Variants in PKIA observed in about 807,000 individuals in gnomAD.
PKIA encodes cAMP-dependent protein kinase inhibitor alpha, also known as PKI-alpha.
A neutral mutation model predicts 7.6 loss-of-function variants in PKIA; 4 were observed. The observed-to-expected ratio is 0.52, with a 90% CI of 0.26 to 1.20. The LOEUF (loss-of-function observed/expected upper bound fraction) is 1.20, where lower values mean the gene tolerates loss of function less well. Among genes scored for constraint, PKIA ranks in the 50% most tolerant of loss-of-function variants. The probability of loss-of-function intolerance (pLI) is 0.13; values close to 1 mark genes in which losing one functional copy is unlikely to be tolerated. For missense variants in PKIA, 73 were observed against 86.2 expected, an observed-to-expected ratio of 0.85 and a Z score of 0.61; for synonymous variants, 21 against 30.7, an observed-to-expected ratio of 0.68 and a Z score of 1.04.
intron 1 of PKIA, among the ~76,000 whole-genome samples, chr8:78,519,766 C>A (rs143918261): frequency 6.6e-6 from 1 of 152,180 alleles, no homozygotes; most frequent in African/African-American, 2.4e-5. Context: ...CTTAAAGTAC[C>A]CCATGCCCAA....
chr8:78,537,546 G>A (rs945961693), intron 1 of PKIA, among the ~76,000 whole-genome samples: 2 of 151,888 alleles, frequency 1.3e-5, no homozygotes, highest in East Asian at 1.9e-4. Flanking sequence ...TGCGATAACC[G>A]ATATATTTTT....
intron 2 of PKIA, among the ~76,000 whole-genome samples, chr8:78,594,749 A>C (rs985027295): frequency 6.6e-6 from 1 of 152,218 alleles, no homozygotes; most frequent in Non-Finnish European, 1.5e-5. Flanking sequence ...AGGTGGAAGG[A>C]AATAAAATCA....
chr8:78,541,982 C>T (rs969405910), intron 1 of PKIA, among the ~76,000 whole-genome samples: 2 of 151,898 alleles, frequency 1.3e-5, no homozygotes, highest in Non-Finnish European at 2.9e-5. Context: ...CCAGCCTGGA[C>T]ACCATAGTAA....
At chr8:78,571,612 A>G (rs1418477075) in intron 1 of PKIA, among the ~76,000 whole-genome samples, 2 of 152,114 alleles carry the variant, frequency 1.3e-5, no homozygotes, top group Non-Finnish European at 2.9e-5. Context: ...GGGACTTGTA[A>G]CAGTTCCCCC....
chr8:78,580,779 T>A (rs1278292509), intron 2 of PKIA, among the ~76,000 whole-genome samples: 1 of 152,024 alleles, frequency 6.6e-6, no homozygotes, highest in Non-Finnish European at 1.5e-5. Flanking sequence ...TTTGTCACTG[T>A]CTGAGGAGGA....
intron 1 of PKIA, chr8:78,533,851 A>AAAAC (rs1412927267): frequency 6.6e-6 from 1 of 152,182 alleles, no homozygotes; most frequent in Non-Finnish European, 1.5e-5. Context: ...AATACAAAGC[A>AAAAC]AAACAAACAA....
intron 1 of PKIA, among the ~76,000 whole-genome samples, chr8:78,542,854 C>A (rs1378059912): frequency 6.6e-6 from 1 of 152,134 alleles, no homozygotes; most frequent in Non-Finnish European, 1.5e-5. Context: ...TTATCTCCTT[C>A]CTGTCTCGTA....
chr8:78,529,420 A>G (rs897796326), intron 1 of PKIA, among the ~76,000 whole-genome samples: 2 of 152,070 alleles, frequency 1.3e-5, no homozygotes, highest in Non-Finnish European at 2.9e-5. Flanking sequence ...CTATATTCCT[A>G]TAATGCTTTT....
intron 1 of PKIA, among the ~76,000 whole-genome samples, chr8:78,548,285 C>T (rs937131242): frequency 1.3e-5 from 2 of 151,932 alleles, no homozygotes; most frequent in Admixed American, 6.6e-5. Context: ...TATACATTGC[C>T]TTATTATGCA....
intron 2 of PKIA, among the ~76,000 whole-genome samples, chr8:78,584,863 C>T (rs1035868972): frequency 3.3e-5 from 5 of 152,114 alleles, no homozygotes; most frequent in Admixed American, 6.5e-5. Context: ...ACAGAGACCT[C>T]TTCCTCAGAT....
chr8:78,566,218 G>A (rs1205657912), intron 1 of PKIA, among the ~76,000 whole-genome samples: 1 of 151,846 alleles, frequency 6.6e-6, no homozygotes. Flanking sequence ...TACATATTTG[G>A]TACCAACAAA....
At chr8:78,549,743 A>T (rs916124689) in intron 1 of PKIA, among the ~76,000 whole-genome samples, 14 of 147,264 alleles carry the variant, frequency 9.5e-5, no homozygotes, top group African/African-American at 3.6e-4. Flanking sequence ...AAAAAAAAAA[A>T]GTAAGAATAA....
intron 1 of PKIA, among the ~76,000 whole-genome samples, chr8:78,536,664 G>A (rs1450749302): frequency 6.6e-6 from 1 of 151,990 alleles, no homozygotes; most frequent in Admixed American, 6.6e-5. Flanking sequence ...TCCTCAAAAA[G>A]CTGTGTATCT....
At chr8:78,550,511 A>T (rs1806955877) in intron 1 of PKIA, among the ~76,000 whole-genome samples, 1 of 152,092 alleles carries the variant, frequency 6.6e-6, no homozygotes, top group Admixed American at 6.6e-5. Flanking sequence ...CATCAAGCTA[A>T]GTGGGAACTT....
chr8:78,542,744 A>G (rs951886372), intron 1 of PKIA, among the ~76,000 whole-genome samples: 5 of 152,144 alleles, frequency 3.3e-5, no homozygotes, highest in African/African-American at 1.2e-4. Context: ...GTGTGTACCA[A>G]ATACCAAGAT....
chr8:78,557,330 AATT>A, intron 1 of PKIA, among the ~76,000 whole-genome samples: 1 of 152,174 alleles, frequency 6.6e-6, no homozygotes, highest in South Asian at 2.1e-4. Context: ...ACACACACTC[AATT>A]TGTGCCCATG....
intron 1 of PKIA, chr8:78,535,771 T>C (rs1187977605): frequency 1.3e-5 from 2 of 152,152 alleles, no homozygotes; most frequent in African/African-American, 4.8e-5. Flanking sequence ...ACAAATAAAA[T>C]AATAGAGTAT....
At chr8:78,558,610 G>A (rs1359248188) in intron 1 of PKIA, 1 of 61,736 alleles carries the variant, frequency 1.6e-5, no homozygotes, top group South Asian at 6.6e-4. Flanking sequence ...CCCCCCGCCC[G>A]ACCACGATTC....
chr8:78,526,011 C>T (rs550555556), intron 1 of PKIA, among the ~76,000 whole-genome samples: 1 of 152,148 alleles, frequency 6.6e-6, no homozygotes, highest in South Asian at 2.1e-4. Context: ...AAGGAGAACT[C>T]AGTGAAGTGT....
Sources: allele counts gnomAD v4.1 joint callset (sites outside exome capture counted in the v4.1 genomes callset), GRCh38; gene constraint gnomAD v4.1.1; transcripts MANE v1.5; gene names NCBI Gene and HGNC (gene_info 2026-07-23, HGNC 2026-07-21).